The following CDC27 variants were observed in gnomAD, a reference collection of about 807,000 sequenced individuals.
The protein encoded by CDC27 is cell division cycle 27.
A neutral mutation model predicts 109.7 loss-of-function variants in CDC27; 27 were observed. The observed-to-expected ratio is 0.25, with a 90% confidence interval of 0.18 to 0.34. The LOEUF (loss-of-function observed/expected upper bound fraction) is 0.34. Among genes scored for constraint, CDC27 ranks in the 10% least tolerant of loss-of-function variants. The probability of loss-of-function intolerance (pLI) is 1.00; values close to 1 mark genes in which losing one functional copy is unlikely to be tolerated. For synonymous variants in CDC27, 266 were observed against 333.9 expected (o/e 0.80, Z 2.22); for missense variants, 579 against 960.2 (o/e 0.60, Z 5.25).
At chr17:47,127,700 C>T (rs2062188359) in intron 16 of CDC27, among the ~76,000 whole-genome samples, 2 of 151,730 alleles carry the variant, frequency 1.3e-5, no homozygotes, top group African/African-American at 4.8e-5. Context: ...TGTGCCTGGC[C>T]CTATTTTTTT....
intron 1 of CDC27, among the ~76,000 whole-genome samples, chr17:47,183,476 T>G (rs997985651): frequency 3.9e-5 from 6 of 152,184 alleles, no homozygotes; most frequent in African/African-American, 1.2e-4. Context: ...GTAATGAACT[T>G]AGTTTGGGAT....
Position 47,180,161 on chromosome 17 carries a change from G to T in CDC27, c.103+1401C>A, listed in dbSNP as rs561721895. Among the ~76,000 whole-genome samples the T allele has an allele frequency of 2.6e-5, 4 of 151,924 alleles. No homozygotes were observed. The South Asian group carries it at 8.3e-4, about 32-fold the overall frequency. On this transcript the variant is annotated intron_variant, in intron 2 of 18. Transcript: ENST00000066544. ...TTTTTAAAAATACAGCAAAATATGG[G>T]GCCTGCCTAGGTATCAATGAAAATA...
chr17:47,147,224 C>A (rs1370829604), intron 9 of CDC27, among the ~76,000 whole-genome samples: 1 of 151,568 alleles, frequency 6.6e-6, no homozygotes, highest in Non-Finnish European at 1.5e-5. Context: ...CACGGTGAAA[C>A]CCCGTCTCTA....
At chr17:47,128,477 GAA>G (rs1242665562) in intron 16 of CDC27, among the ~76,000 whole-genome samples, 1 of 152,008 alleles carries the variant, frequency 6.6e-6, no homozygotes, top group African/African-American at 2.4e-5. Flanking sequence ...TACATAATTT[GAA>G]AAAGAGTGAG....
chr17:47,188,998 G>T (rs1362013296), intron 1 of CDC27, 148 bp downstream of exon 1: 2 of 1,491,750 alleles, frequency 1.3e-6, no homozygotes, highest in South Asian at 1.2e-5. Context: ...CAAGGCCTCC[G>T]AACTGACTAA....
chr17:47,132,724 C>T (rs769356150), intron 14 of CDC27, among the ~76,000 whole-genome samples: 2 of 144,888 alleles, frequency 1.4e-5, no homozygotes, highest in Non-Finnish European at 3.0e-5. Context: ...AACCACAATG[C>T]CTAGCCATTA....
intron 4 of CDC27, 158 bp downstream of exon 4, chr17:47,169,759 G>C (rs2063757977): frequency 2.2e-6 from 1 of 448,948 alleles, no homozygotes. Flanking sequence ...TTCAAACTTA[G>C]ATTAGCATCT....
Position 47,120,650 on chromosome 17 carries a change from C to T in CDC27, c.*285G>A. The stretch of plus-strand genomic sequence containing the variant: ...AAGCATAACTCTTCCTTTCATGATA[C>T]TTTCCAACAAAGGGAGATTAAAGAA... On this transcript the variant is annotated 3_prime_UTR_variant, in exon 19 of 19. Transcript: ENST00000066544. The T allele has an allele frequency of 3.4e-6, 1 of 292,478 alleles. No homozygotes were observed. Among genetic ancestry groups the T allele is most frequent in the East Asian group, 5.7e-5 (1 of 17,400 alleles). 18.1% of individuals were successfully genotyped at this position (292,478 alleles called of 1,614,324 possible).
In CDC27 at chr17:47,121,006, C is replaced by A; in HGVS notation, c.2404G>T (p.Glu802Ter). The A allele has an allele frequency of 6.2e-7, 1 of 1,609,204 alleles. No homozygotes were observed. Among genetic ancestry groups the A allele is most frequent in the Non-Finnish European group, 8.5e-7 (1 of 1,176,454 alleles). ...TCTGTCATGCTGCTCTCCTGGGATT[C>A]ATCTGTTCCCACTTTAAAAATAAAA... ...TQEEQIMGTD[E>*]SQESSMTDAD... Residue 802 changes from glutamate (E) to a stop codon, truncating the protein, a stop_gained, in exon 19 of 19, where the codon GAA (glutamate) becomes TAA (stop). Coordinates refer to ENST00000066544, the MANE Select transcript of CDC27 (RefSeq NM_001256.6). LOFTEE classifies it high-confidence loss of function.
chr17:47,129,051 G>A lies in CDC27; in HGVS notation c.2160+342C>T, dbSNP rs1042019984. On this transcript the variant is annotated intron_variant, in intron 16 of 18. Transcript: ENST00000066544. Reference sequence around the variant, plus strand: ...CTCCCAAAGTGCTGGGATTACAGGCGTAAGCCACTGCGCCTGGCCCATACA... The same window carrying A: ...CTCCCAAAGTGCTGGGATTACAGGCATAAGCCACTGCGCCTGGCCCATACA... Among the ~76,000 whole-genome samples the A allele has an allele frequency of 2.6e-5, 4 of 152,270 alleles. No homozygotes were observed. The East Asian group carries it at 7.7e-4, about 29-fold the overall frequency.
intron 2 of CDC27, among the ~76,000 whole-genome samples, chr17:47,179,351 C>T (rs2064137874): frequency 6.6e-6 from 1 of 152,010 alleles, no homozygotes; most frequent in Non-Finnish European, 1.5e-5. Flanking sequence ...AAACTGTTGC[C>T]AAGAATTCTG....
chr17:47,162,900 A>C (rs565668569), intron 4 of CDC27, among the ~76,000 whole-genome samples: 1 of 152,350 alleles, frequency 6.6e-6, no homozygotes, highest in South Asian at 2.1e-4. Context: ...ATATGTATAA[A>C]TCACATAAGA....
chr17:47,144,352 C>G (rs188577370), intron 9 of CDC27, among the ~76,000 whole-genome samples: 1 of 152,112 alleles, frequency 6.6e-6, no homozygotes, highest in Non-Finnish European at 1.5e-5. Context: ...TTAATTTGAA[C>G]TAAAAATAAT....
intron 12 of CDC27, among the ~76,000 whole-genome samples, chr17:47,141,243 A>C (rs2062783922): frequency 6.6e-6 from 1 of 152,180 alleles, no homozygotes; most frequent in African/African-American, 2.4e-5. Context: ...AGGTTTCTAA[A>C]AGGTTTCTTT....
chr17:47,143,984 TA>T lies in CDC27; in HGVS notation c.1071-3del, dbSNP rs11570517. 120,198 of 1,309,936 alleles carry T rather than the reference TA, an allele frequency of 0.092. 6,051 individuals carry two copies. Among genetic ancestry groups the T allele is most frequent in the South Asian group, 0.16 (7,724 of 47,708 alleles). The allele number at this position is 1,309,936 out of a possible 1,614,324, so 81.1% of individuals were successfully genotyped here. ...GGGCTCAATACCTGAGGTGTTGTAC[TA>T]AAAAAAAATTATAAAGGAAGACATT... On this transcript the variant is annotated splice_polypyrimidine_tract_variant and splice_region_variant and intron_variant, in intron 9 of 18. Transcript: ENST00000066544.
chr17:47,170,518 A>G (rs565678808), intron 3 of CDC27: 1 of 152,326 alleles, frequency 6.6e-6, no homozygotes, highest in African/African-American at 2.4e-5. Flanking sequence ...TTTTTTAATT[A>G]CAATAGTGGC....
intron 9 of CDC27, among the ~76,000 whole-genome samples, chr17:47,146,923 A>AT (rs1813791712): frequency 6.6e-6 from 1 of 152,002 alleles, no homozygotes; most frequent in Admixed American, 6.6e-5. Flanking sequence ...AAAATTAGCC[A>AT]TATGTGGCAC....
intron 7 of CDC27, among the ~76,000 whole-genome samples, chr17:47,155,592 C>T (rs1325471882): frequency 6.6e-6 from 1 of 152,056 alleles, no homozygotes; most frequent in Admixed American, 6.6e-5. Flanking sequence ...GATATGTATC[C>T]TCTGGGCTGA....
At chr17:47,133,058 CATAT>C (rs1231680471) in intron 14 of CDC27, among the ~76,000 whole-genome samples, 6 of 31,052 alleles carry the variant, frequency 1.9e-4, no homozygotes, top group East Asian at 1.8e-3. Context: ...CACACACATA[CATAT>C]ACACACACAC....
Sources: gnomAD v4.1 joint callset for allele counts (sites outside exome capture counted in the v4.1 genomes callset) on GRCh38, gnomAD v4.1.1 for gene constraint, MANE v1.5 for transcripts, NCBI Gene and HGNC (gene_info 2026-07-23, HGNC 2026-07-21) for gene names.